AHRR: variants seen among roughly 807,000 people sequenced by gnomAD.
AHRR encodes the protein ahR repressor.
AHRR carries 28 observed loss-of-function variants against 44.0 expected under a neutral mutation model. That is an observed-to-expected ratio of 0.64 (90% CI 0.47 to 0.87). The LOEUF is 0.87. Among genes scored for constraint, AHRR ranks in the 40% least tolerant of loss-of-function variants. The pLI, the probability that AHRR is intolerant of heterozygous loss-of-function variation, is 0.00. For missense variants in AHRR, 990 were observed against 953.9 expected (o/e 1.04, Z -0.50); for synonymous variants, 434 against 407.0 (o/e 1.07, Z -0.80).
At chr5:396,706 C>G (rs1734720744) in intron 4 of AHRR, among the ~76,000 whole-genome samples, 1 of 152,142 alleles carries the variant, frequency 6.6e-6, no homozygotes, top group Admixed American at 6.5e-5. Flanking sequence ...AGAGGTTTCA[C>G]CAGGGAGGAA....
chr5:421,181 G>T lies in AHRR; in HGVS notation c.442-1548G>T, dbSNP rs534644245. ...GGGAGGCCGCTCTGGCGCCCGGCTG[G>T]TGCCGGGCAGGAGGCCCTTGCGGAC... On this transcript the variant is annotated intron_variant, in intron 5 of 10. Transcript: ENST00000684583. 5 of 614,932 alleles carry T rather than the reference G, an allele frequency of 8.1e-6. No homozygotes were observed. The East Asian group carries it at 1.5e-4, about 19-fold the overall frequency. 38.1% of individuals were successfully genotyped at this position (614,932 alleles called of 1,614,324 possible).
chr5:350,133 T>C (rs1055837364), intron 2 of AHRR, among the ~76,000 whole-genome samples: 4 of 152,250 alleles, frequency 2.6e-5, no homozygotes, highest in Non-Finnish European at 5.9e-5. Flanking sequence ...TAGAATCAGC[T>C]TGTCAATTTC....
rs760411576 is a variant in AHRR at position 387,152 on chromosome 5, G to A, written c.351+10436G>A. On this transcript the variant is annotated intron_variant, in intron 4 of 10. Transcript: ENST00000684583. This position sits in a 1 kb window ranked among gnomAD's most constrained non-coding sequence, Gnocchi z 5.1. ...TGCAGCTCAAAGTGCTTTACGCTGT[G>A]TCTCTGGTGTGTTCCACACCTGCAG... 2.0e-5 allele frequency among the ~76,000 whole-genome samples: 3 copies of A among 152,228 alleles called. No individual in the cohort carries two copies. Among genetic ancestry groups the A allele is most frequent in the Non-Finnish European group, 2.9e-5 (2 of 68,046 alleles).
At position 434,113 on chromosome 5, in the gene AHRR, G is replaced by A. The variant is rs1436840105; in HGVS notation, c.1373G>A (p.Ser458Asn). ...TCTCACCCGCCGAGCCCGTCCCCCAGTGCCTACTCCAGCCGGACCAGCAGA... is the reference window on the plus strand; with the variant it reads ...TCTCACCCGCCGAGCCCGTCCCCCAATGCCTACTCCAGCCGGACCAGCAGA... ...PISHPPSPSP[S>N]AYSSRTSRPM... Residue 458 changes from serine to asparagine, a missense_variant, in exon 11 of 11, where the codon AGT (serine) becomes AAT (asparagine). Transcript: ENST00000684583. 3.7e-6 allele frequency: 6 copies of A among 1,612,922 alleles called. No homozygotes were observed. The highest frequency in any genetic ancestry group is 1.3e-5 in the African/African-American group (1 of 74,926).
chr5:420,823 AGCCACCCAC>A, intron 5 of AHRR: 1 of 270,152 alleles, frequency 3.7e-6, no homozygotes, highest in Non-Finnish European at 7.2e-6. Flanking sequence ...CCACCCACGC[AGCCACCCAC>A]CCACGCAGCA....
chr5:396,936 T>C (rs1305622835), intron 4 of AHRR, among the ~76,000 whole-genome samples: 1 of 152,056 alleles, frequency 6.6e-6, no homozygotes, highest in Non-Finnish European at 1.5e-5. Flanking sequence ...CACCGGCCTC[T>C]CTGTGACTTT....
intron 1 of AHRR, among the ~76,000 whole-genome samples, chr5:332,390 C>T (rs1322148836): frequency 6.6e-6 from 1 of 151,410 alleles, no homozygotes; most frequent in Non-Finnish European, 1.5e-5. Flanking sequence ...GCCTCAGCCT[C>T]CTGAGTAGCT....
intron 4 of AHRR, among the ~76,000 whole-genome samples, chr5:389,446 G>A (rs1004311798): frequency 5.9e-5 from 9 of 152,204 alleles, no homozygotes; most frequent in African/African-American, 9.6e-5. Flanking sequence ...CATTCAACGC[G>A]AGGGAGCCAC....
chr5:374,003 G>T (rs1743681127), intron 3 of AHRR, among the ~76,000 whole-genome samples: 1 of 151,992 alleles, frequency 6.6e-6, no homozygotes. Context: ...GCACCTACGC[G>T]CTTCTCGGGG....
intron 3 of AHRR, among the ~76,000 whole-genome samples, chr5:363,199 A>G (rs1359386773): frequency 6.6e-6 from 1 of 152,160 alleles, no homozygotes; most frequent in Non-Finnish European, 1.5e-5. Context: ...CCAACCCTCC[A>G]GTGGGAGGAA....
intron 4 of AHRR, among the ~76,000 whole-genome samples, chr5:399,958 C>T (rs1025944448): frequency 1.3e-5 from 2 of 152,360 alleles, no homozygotes; most frequent in South Asian, 2.1e-4. Context: ...CAAGCAAGAG[C>T]GCTGCCTCGC....
At chr5:365,369 T>C (rs1743321194) in intron 3 of AHRR, among the ~76,000 whole-genome samples, 3 of 152,106 alleles carry the variant, frequency 2.0e-5, no homozygotes, top group African/African-American at 7.2e-5. Context: ...ACCCGTATAG[T>C]TGGAAATAAA....
chr5:345,971 G>T (rs1423869912), intron 2 of AHRR, among the ~76,000 whole-genome samples: 1 of 152,192 alleles, frequency 6.6e-6, no homozygotes, highest in Admixed American at 6.5e-5. Context: ...CCAAGGCCTC[G>T]CACTCTCTGT....
intron 3 of AHRR, among the ~76,000 whole-genome samples, chr5:375,445 C>T (rs967701467): frequency 1.3e-5 from 2 of 152,172 alleles, no homozygotes; most frequent in South Asian, 2.1e-4. Context: ...GTCTCCCTAA[C>T]CCGCGGAAGT....
At chr5:330,904 C>T (rs1252079559) in intron 1 of AHRR, among the ~76,000 whole-genome samples, 9 of 128,512 alleles carry the variant, frequency 7.0e-5, no homozygotes, top group East Asian at 2.2e-4. Context: ...GACAGAGTCT[C>T]GGTCTGTCAC....
In AHRR at chr5:346,639, C is replaced by T. The variant is rs536888498; in HGVS notation, c.62+2675C>T. Reference sequence around the variant, plus strand: ...TGTCTCAACCCTTCCTGGCCCCCTACGTGCACCCGGCTTCATCCTTGGCCC... The same window carrying T: ...TGTCTCAACCCTTCCTGGCCCCCTATGTGCACCCGGCTTCATCCTTGGCCC... On this transcript the variant is annotated intron_variant, in intron 2 of 10. Transcript: ENST00000684583. Among the ~76,000 whole-genome samples the T allele has an allele frequency of 2.0e-5, 3 of 152,314 alleles. No individual in the cohort carries two copies. In the South Asian group the frequency reaches 6.2e-4, roughly 32 times the overall value.
rs1254194282 is a variant in AHRR, at chr5:391,356, CAGGGCCAGAGCGTGCAT to C, written c.351+14641_351+14657del. Among the ~76,000 whole-genome samples the C allele has an allele frequency of 1.5e-3, 177 of 120,992 alleles. 1 individual carries two copies. The highest frequency in any genetic ancestry group is 8.0e-3 in the Middle Eastern group (2 of 250). 79.4% of individuals were successfully genotyped at this position (120,992 alleles called of 152,430 possible). ...AGGGCGAGGCGGGCGCAGGGCGAGG[CAGGGCCAGAGCGTGCAT>C]GGGCGCAGGGCGAGGAGGGCGCAGG... On this transcript the variant is annotated intron_variant, in intron 4 of 10. Transcript: ENST00000684583.
At chr5:352,868 G>A (rs774488679) in intron 2 of AHRR, among the ~76,000 whole-genome samples, 3 of 151,400 alleles carry the variant, frequency 2.0e-5, no homozygotes, top group Non-Finnish European at 3.0e-5. Context: ...TGGGTCAGCT[G>A]TAGGGGATGG....
intron 2 of AHRR, among the ~76,000 whole-genome samples, chr5:352,396 G>A (rs957042639): frequency 1.8e-4 from 27 of 148,762 alleles, no homozygotes; most frequent in Non-Finnish European, 3.7e-4. Flanking sequence ...TGTAGGGGAT[G>A]GTCACTCTGA....
Sources: gnomAD v4.1 joint callset for allele counts (sites outside exome capture counted in the v4.1 genomes callset) on GRCh38, gnomAD v4.1.1 for gene constraint, Gnocchi (gnomAD v3.1) non-coding constraint, MANE v1.5 for transcripts, NCBI Gene and HGNC (gene_info 2026-07-23, HGNC 2026-07-21) for gene names.